The following ADCY10 variants were observed in gnomAD, a reference collection of about 807,000 sequenced individuals.
ADCY10 encodes the protein adenylate cyclase 10.
Under a neutral mutation model 183.3 loss-of-function variants are expected in ADCY10, and 156 were observed. That is an observed-to-expected ratio of 0.85 (90% CI 0.75 to 0.97). The LOEUF is 0.97. Among genes scored for constraint, ADCY10 ranks in the 50% least tolerant of loss-of-function variants. The pLI, the probability that ADCY10 is intolerant of heterozygous loss-of-function variation, is 0.00. For missense variants in ADCY10, 1,745 were observed against 1,934.3 expected, an observed-to-expected ratio of 0.90 and a Z score of 1.84; for synonymous variants, 645 against 670.0, an observed-to-expected ratio of 0.96 and a Z score of 0.58.
intron 21 of ADCY10, among the ~76,000 whole-genome samples, chr1:167,841,739 C>G (rs1200015516): frequency 6.6e-6 from 1 of 152,046 alleles, no homozygotes; most frequent in Non-Finnish European, 1.5e-5. Context: ...TCCAAAGCCA[C>G]TGGGATTATA....
At chr1:167,883,780 G>T in intron 8 of ADCY10, 152 bp from the exon 9 acceptor site, 1 of 760,900 alleles carries the variant, frequency 1.3e-6, no homozygotes, top group Non-Finnish European at 2.3e-6. Context: ...CTGAAGTGGA[G>T]CAGATGGAAA....
At chr1:167,905,324 G>A in intron 1 of ADCY10, 126 bp from the exon 2 acceptor site, 1 of 745,770 alleles carries the variant, frequency 1.3e-6, no homozygotes, top group Non-Finnish European at 2.2e-6. Flanking sequence ...CAGAGTTGTT[G>A]AGCCACACTT....
At chr1:167,908,005 G>A (rs923752124) in intron 1 of ADCY10, among the ~76,000 whole-genome samples, 12 of 152,066 alleles carry the variant, frequency 7.9e-5, no homozygotes, top group Non-Finnish European at 1.6e-4. Context: ...ATAATATGCA[G>A]GTTCCTAAAA....
At chr1:167,864,579 A>T in intron 14 of ADCY10, among the ~76,000 whole-genome samples, 1 of 152,116 alleles carries the variant, frequency 6.6e-6, no homozygotes, top group Non-Finnish European at 1.5e-5. Context: ...GGCAAAAGGA[A>T]AGTCAAAGAG....
chr1:167,896,975 CT>C (rs1017327262), intron 6 of ADCY10, among the ~76,000 whole-genome samples: 5 of 152,068 alleles, frequency 3.3e-5, no homozygotes, highest in Non-Finnish European at 5.9e-5. Context: ...CTTTTTCCTG[CT>C]TTTTTTCCTT....
At chr1:167,823,547 G>A (rs1401782812) in intron 28 of ADCY10, among the ~76,000 whole-genome samples, 1 of 151,846 alleles carries the variant, frequency 6.6e-6, no homozygotes, top group South Asian at 2.1e-4. Context: ...CGGGTGACAG[G>A]TGCACTAAAA....
chr1:167,880,545 G>A lies in ADCY10; in HGVS notation c.1085C>T (p.Ala362Val), dbSNP rs1667804002. 6.2e-7 allele frequency: 1 copy of A among 1,614,158 alleles called. No individual in the cohort carries two copies. Among genetic ancestry groups the A allele is most frequent in the African/African-American group, 1.3e-5 (1 of 75,050 alleles). ...AAATATATCCATAGCACATTCCAGAGCATGAGTGAGCTCGTCAGGTACCTT... is the reference window on the plus strand; with the variant it reads ...AAATATATCCATAGCACATTCCAGAACATGAGTGAGCTCGTCAGGTACCTT... ...GEKVPDELTH[A>V]LECAMDIFDF... The change falls in exon 10 of 33, where the codon GCT (alanine) becomes GTT (valine). Residue 362 changes from alanine (A) to valine (V), a missense_variant. Transcript: ENST00000367851.
At chr1:167,818,019 C>G (rs1662632264) in intron 31 of ADCY10, 53 bp downstream of exon 31, 1 of 1,519,236 alleles carries the variant, frequency 6.6e-7, no homozygotes, top group African/African-American at 1.4e-5. Context: ...AGGAAGTAGA[C>G]AGAGATCCAT....
At chr1:167,911,169 T>G (rs1416715742) in intron 1 of ADCY10, among the ~76,000 whole-genome samples, 4 of 152,226 alleles carry the variant, frequency 2.6e-5, no homozygotes, top group Non-Finnish European at 4.4e-5. Context: ...TGGGCAGTTT[T>G]AGGAAGTGTT....
At chr1:167,854,315 A>C (rs758581437) in intron 18 of ADCY10, 38 bp downstream of exon 18, 1 of 1,613,990 alleles carries the variant, frequency 6.2e-7, no homozygotes. Context: ...TAAGTTAGGC[A>C]GAACAGAGTA....
intron 21 of ADCY10, among the ~76,000 whole-genome samples, chr1:167,837,627 C>CT (rs1213541244): frequency 6.6e-6 from 1 of 152,194 alleles, no homozygotes; most frequent in Non-Finnish European, 1.5e-5. Context: ...TGGGAGGAGC[C>CT]TGGGTCCCTT....
rs144351194 is a variant in ADCY10 at position 167,815,383 on chromosome 1, T to C, written c.4482+2689A>G. On this transcript the variant is annotated intron_variant, in intron 31 of 32. Transcript: ENST00000367851. ...ACCAGAGCCTAACCTCCAGGGGTTT[T>C]ACTAGAGTCTAACTGATCTTGGGGA... 6.6e-5 allele frequency among the ~76,000 whole-genome samples: 10 copies of C among 152,324 alleles called. No individual in the cohort carries two copies. The East Asian group carries it at 1.7e-3, about 26-fold the overall frequency.
chr1:167,810,784 A>G lies in ADCY10; in HGVS notation c.4612T>C (p.Leu1538=). The G allele has an allele frequency of 6.2e-7, 1 of 1,614,222 alleles. No homozygotes were observed. Among genetic ancestry groups the G allele is most frequent in the Non-Finnish European group, 8.5e-7 (1 of 1,180,034 alleles). The change falls in exon 32 of 33, where the codon TTG becomes CTG. Residue 1538 remains leucine (L), a synonymous_variant. Transcript: ENST00000367851. ...QKCGLFLNTA[L]RLSETQGNIL... ...TTCCCCTGTGTTTCAGAGAGCCGCAAGGCTGTGTTCAGGAAGAGGCCACAT... is the reference window on the plus strand; with the variant it reads ...TTCCCCTGTGTTTCAGAGAGCCGCAGGGCTGTGTTCAGGAAGAGGCCACAT...
rs1216338214 is a variant in ADCY10, at chr1:167,856,213, T to G, written c.2123A>C (p.Lys708Thr). 1 of 1,613,838 alleles carries G rather than the reference T, an allele frequency of 6.2e-7. No homozygotes were observed. The highest frequency in any genetic ancestry group is 8.5e-7 in the Non-Finnish European group (1 of 1,179,820). ...GCTCACATTGAGGTCAAGACAGATC[T>G]TGTTGGAGATGTCGTTAGGCTGTAC... ...GAVQPNDISNKICLDLNVSCI... is the reference protein window; with the variant it reads ...GAVQPNDISNTICLDLNVSCI... Residue 708 changes from lysine to threonine, a missense_variant, in exon 17 of 33, where the codon AAG (lysine) becomes ACG (threonine). Coordinates refer to ENST00000367851, the MANE Select transcript of ADCY10 (RefSeq NM_018417.6).
Position 167,860,902 on chromosome 1 carries a change from T to A in ADCY10, c.1778A>T (p.Tyr593Phe). ...KVMTLLDEKF[Y>F]CLLNDIFHVQ... Reference sequence around the variant, plus strand: ...ATGGAAAATGTCATTAAGAAGACAGTAGAACTTTTCATCCAACAGTGTCAT... The same window carrying A: ...ATGGAAAATGTCATTAAGAAGACAGAAGAACTTTTCATCCAACAGTGTCAT... The change falls in exon 15 of 33, where the codon TAC becomes TTC. Residue 593 changes from tyrosine (Y) to phenylalanine (F), a missense_variant. Tyr to Phe is a conservative substitution (Grantham distance 22, BLOSUM62 3). Transcript: ENST00000367851. 1.2e-6 allele frequency: 2 copies of A among 1,614,146 alleles called. No individual in the cohort carries two copies. Among genetic ancestry groups the A allele is most frequent in the Non-Finnish European group, 1.7e-6 (2 of 1,180,014 alleles).
At chr1:167,810,183 G>A (rs1025457317) in intron 32 of ADCY10, among the ~76,000 whole-genome samples, 1 of 152,198 alleles carries the variant, frequency 6.6e-6, no homozygotes, top group African/African-American at 2.4e-5. Context: ...AGGGCAGAGA[G>A]AGGGCATGCT....
rs200518628 is a variant in ADCY10, at chr1:167,828,926, C to CA, written c.3750+340dup. ...GCAGTGAGCCGATATTGTGCCACTG[C>CA]ACTCCAGCCTGGGTGACAGAGCAAG... On this transcript the variant is annotated intron_variant, in intron 26 of 32. Transcript: ENST00000367851. 4.8e-3 allele frequency among the ~76,000 whole-genome samples: 731 copies of CA among 152,254 alleles called. 4 individuals are homozygous for CA. The highest frequency in any genetic ancestry group is 0.017 in the African/African-American group (689 of 41,542).
Position 167,830,910 on chromosome 1 carries a change from T to C in ADCY10, c.3594-1487A>G, listed in dbSNP as rs576109335. On this transcript the variant is annotated intron_variant, in intron 25 of 32. Transcript: ENST00000367851. The stretch of plus-strand genomic sequence containing the variant: ...AAAAGAATGCAACTTTTGTCTCACC[T>C]ATCTGTGACCTGGAAGCTCCCTCCC... 4.4e-4 allele frequency among the ~76,000 whole-genome samples: 67 copies of C among 152,296 alleles called. 1 individual carries two copies. Among genetic ancestry groups the C allele is most frequent in the Middle Eastern group, 3.4e-3 (1 of 294 alleles).
intron 30 of ADCY10, chr1:167,821,108 C>T (rs1662884003): frequency 6.6e-6 from 1 of 152,208 alleles, no homozygotes; most frequent in Admixed American, 6.5e-5. Flanking sequence ...GATTTTCAGT[C>T]TTGGGGATAG....
Sources: allele counts gnomAD v4.1 joint callset (sites outside exome capture counted in the v4.1 genomes callset), GRCh38; gene constraint gnomAD v4.1.1; transcripts MANE v1.5; gene names NCBI Gene and HGNC (gene_info 2026-07-23, HGNC 2026-07-21).